The following HNRNPDL variants were observed in gnomAD, a reference collection of about 807,000 sequenced individuals.
The protein encoded by HNRNPDL is heterogeneous nuclear ribonucleoprotein D-like.
In HNRNPDL, 18 loss-of-function variants were observed where a neutral mutation model predicts 48.0. The observed-to-expected ratio is 0.38, with a 90% CI of 0.26 to 0.56. The LOEUF (loss-of-function observed/expected upper bound fraction) is 0.56. HNRNPDL is among the 20% of genes least tolerant of loss of function. The pLI, the probability that HNRNPDL is intolerant of heterozygous loss-of-function variation, is 0.77. For missense variants in HNRNPDL, 553 were observed against 540.7 expected (o/e 1.02, Z -0.23); for synonymous variants, 306 against 207.3 (o/e 1.48, Z -4.09).
In HNRNPDL at chr4:82,427,995, CAT is replaced by C. The variant is rs774166546; in HGVS notation, c.774+21_774+22del. The C allele has an allele frequency of 3.7e-6, 6 of 1,602,298 alleles. No individual in the cohort carries two copies. The Admixed American group carries it at 5.1e-5, about 14-fold the overall frequency. On this transcript the variant is annotated intron_variant, in intron 3 of 7. Transcript: ENST00000295470. ...CATTTTATAAACACATCAAGCTTAACATGTGTAAACATAATCACACACCTCTC... is the reference window on the plus strand; with the variant it reads ...CATTTTATAAACACATCAAGCTTAACGTGTAAACATAATCACACACCTCTC...
At position 82,427,230 on chromosome 4, in the gene HNRNPDL, A is replaced by G. The variant is rs1191370780; in HGVS notation, c.981T>C (p.Ala327=). The G allele has an allele frequency of 1.2e-5, 19 of 1,614,020 alleles. No individual in the cohort carries two copies. The highest frequency in any genetic ancestry group is 1.6e-5 in the Non-Finnish European group (19 of 1,179,894). The change falls in exon 5 of 8, where the codon GCT becomes GCC. Residue 327 remains alanine, a synonymous_variant. Transcript: ENST00000295470. ...QQQQQKGGRG[A]AAGGRGGTRG... is the part of the protein sequence containing the mutation. ...TCGTACCACCTCGTCCACCAGCTGC[A>G]GCACCTCTTCCACCTTTTTGTTGTT...
At position 82,429,745 on chromosome 4, in the gene HNRNPDL, G is replaced by A. The variant is rs1477694826; in HGVS notation, c.-55C>T. On this transcript the variant is annotated 5_prime_UTR_variant, in exon 1 of 8. Coordinates refer to ENST00000295470, the MANE Select transcript of HNRNPDL (RefSeq NM_031372.4). ...CGCGTGAGGGGACGCGGGCTTGGGA[G>A]AAGAGAAGAATCAGAAGAGAAAAAC... is the stretch of plus-strand genomic sequence containing the variant. 3.2e-6 allele frequency: 4 copies of A among 1,268,498 alleles called. No homozygotes were observed. The highest frequency in any genetic ancestry group is 2.2e-5 in the South Asian group (1 of 44,830). 78.6% of individuals were successfully genotyped at this position (1,268,498 alleles called of 1,614,324 possible). A position where few individuals can be genotyped will look rare whatever the true frequency, so the allele number is the denominator to read the frequency against.
At chr4:82,425,413 A>G (rs1721375820) in intron 7 of HNRNPDL, 2 of 152,504 alleles carry the variant, frequency 1.3e-5, no homozygotes. Flanking sequence ...ATTAAGCTGT[A>G]AAAAGGCATT....
Position 82,423,366 on chromosome 4 carries a change from A to C in HNRNPDL, c.*1540T>G, listed in dbSNP as rs566242493. The stretch of plus-strand genomic sequence containing the variant: ...AAAAATGAACTTACTTCCATTCCCT[A>C]AAGTTGCATGTTGAATGAACAGAAT... On this transcript the variant is annotated 3_prime_UTR_variant, in exon 8 of 8. Transcript: ENST00000295470. 1.3e-5 allele frequency: 2 copies of C among 152,198 alleles called. No individual in the cohort carries two copies. The highest frequency in any genetic ancestry group is 2.9e-5 in the Non-Finnish European group (2 of 68,040). 9.4% of individuals were successfully genotyped at this position (152,198 alleles called of 1,614,324 possible).
At chr4:82,426,768 A>G (rs1721429220) in intron 5 of HNRNPDL, 135 bp from the exon 6 acceptor site, 1 of 723,192 alleles carries the variant, frequency 1.4e-6, no homozygotes. Flanking sequence ...TGCTTGAAAA[A>G]CTATTTTTCC....
In HNRNPDL at chr4:82,429,330, C is replaced by T. The variant is rs1329101619; in HGVS notation, c.361G>A (p.Glu121Lys). The T allele has an allele frequency of 6.2e-7, 1 of 1,613,940 alleles. No homozygotes were observed. The highest frequency in any genetic ancestry group is 8.5e-7 in the Non-Finnish European group (1 of 1,179,928). ...ATATTGCTGTACTCGTTCATATCCT[C>T]CATAGTGACGGAGCTGTCGGCAGGG... Reference protein sequence around the residue: ...HPPADSSVTMEDMNEYSNIEE... With the variant: ...HPPADSSVTMKDMNEYSNIEE... Residue 121 changes from glutamate (E) to lysine (K), a missense_variant, in exon 1 of 8, where the codon GAG becomes AAG. Physicochemically the swap from Glu to Lys is moderately conservative, Grantham distance 56 (BLOSUM62 1). Transcript: ENST00000295470.
At position 82,426,481 on chromosome 4, in the gene HNRNPDL, C is replaced by A. The variant is rs766427755; in HGVS notation, c.1174G>T (p.Gly392Ter). The change falls in exon 6 of 8, where the codon GGA (glycine) becomes TGA (stop). Residue 392 changes from glycine (G) to a stop codon, truncating the protein, a stop_gained. Coordinates refer to ENST00000295470, the MANE Select transcript of HNRNPDL (RefSeq NM_031372.4). LOFTEE classifies it high-confidence loss of function. Reference protein sequence around the residue: ...YNYGNYGYGQGYADYSGQQST... With the variant: ...YNYGNYGYGQ ...TTCTTACCACTGTAGTCTGCATATCCCTGTCCATATCCATAGTTCCCATAG... is the reference window on the plus strand; with the variant it reads ...TTCTTACCACTGTAGTCTGCATATCACTGTCCATATCCATAGTTCCCATAG... The A allele has an allele frequency of 6.2e-7, 1 of 1,611,968 alleles. No homozygotes were observed. Among genetic ancestry groups the A allele is most frequent in the Non-Finnish European group, 8.5e-7 (1 of 1,178,404 alleles).
chr4:82,428,965 G>A (rs774480662), intron 1 of HNRNPDL, among the ~76,000 whole-genome samples: 1 of 152,204 alleles, frequency 6.6e-6, no homozygotes, highest in Non-Finnish European at 1.5e-5. Flanking sequence ...AGCGCTGGGA[G>A]GCCGGCCCCT....
intron 1 of HNRNPDL, among the ~76,000 whole-genome samples, 155 bp downstream of exon 1, chr4:82,429,093 C>A (rs1319496568): frequency 6.6e-6 from 1 of 152,142 alleles, no homozygotes; most frequent in Non-Finnish European, 1.5e-5. Flanking sequence ...CCCCCTCGAT[C>A]TCTTACTTTC....
chr4:82,429,330 C>G lies in HNRNPDL; in HGVS notation c.361G>C (p.Glu121Gln). The change falls in exon 1 of 8, where the codon GAG becomes CAG. Residue 121 changes from glutamate (E) to glutamine (Q), a missense_variant. Physicochemically the swap from Glu to Gln is conservative, Grantham distance 29. Around this residue, in one of 4 missense-constraint regions of HNRNPDL, gnomAD observed 327 missense variants for 203.2 expected, o/e 1.61. Coordinates refer to ENST00000295470, the MANE Select transcript of HNRNPDL (RefSeq NM_031372.4). ...ATATTGCTGTACTCGTTCATATCCTCCATAGTGACGGAGCTGTCGGCAGGG... is the reference window on the plus strand; with the variant it reads ...ATATTGCTGTACTCGTTCATATCCTGCATAGTGACGGAGCTGTCGGCAGGG... ...HPPADSSVTMEDMNEYSNIEE... is the reference protein window; with the variant it reads ...HPPADSSVTMQDMNEYSNIEE... 4 of 1,613,940 alleles carry G rather than the reference C, an allele frequency of 2.5e-6. No individual in the cohort carries two copies. Among genetic ancestry groups the G allele is most frequent in the Non-Finnish European group, 3.4e-6 (4 of 1,179,928 alleles).
In HNRNPDL at chr4:82,427,251, TTGTTGC is replaced by T. The variant is rs763843229; in HGVS notation, c.954_959del (p.Gln320_Gln321del). The T allele has an allele frequency of 5.0e-6, 8 of 1,613,998 alleles. No homozygotes were observed. Among genetic ancestry groups the T allele is most frequent in the Admixed American group, 3.3e-5 (2 of 59,978 alleles). On this transcript the variant is annotated inframe_deletion, in exon 5 of 8. Transcript: ENST00000295470. Reference sequence around the variant, plus strand: ...CTGCAGCACCTCTTCCACCTTTTTGTTGTTGCTGTTGCTGCCTATATACCTCTTTGG... The same window carrying T: ...CTGCAGCACCTCTTCCACCTTTTTGTTGTTGCTGCCTATATACCTCTTTGG...
At chr4:82,425,125 G>A (rs1248540284) in intron 7 of HNRNPDL, 1 of 152,030 alleles carries the variant, frequency 6.6e-6, no homozygotes, top group Non-Finnish European at 1.5e-5. Flanking sequence ...ATATTCAGAG[G>A]TTCAACTATG....
rs768281792 is a variant in HNRNPDL at position 82,427,181 on chromosome 4, A to G, written c.1021+9T>C. The G allele has an allele frequency of 9.7e-6, 15 of 1,549,594 alleles. No individual in the cohort carries two copies. In the African/African-American group the frequency reaches 1.9e-4, roughly 20 times the overall value. On this transcript the variant is annotated intron_variant, in intron 5 of 7. Coordinates refer to ENST00000295470, the MANE Select transcript of HNRNPDL (RefSeq NM_031372.4). ...ACCACGGAGTCATATTTCAAGAATT[A>G]AGTCTCACCTCGGCCACGACCCCTC...
At position 82,428,249 on chromosome 4, in the gene HNRNPDL, A is replaced by G. The variant is rs369033036; in HGVS notation, c.612+29T>C. The G allele has an allele frequency of 2.5e-6, 4 of 1,608,862 alleles. No individual in the cohort carries two copies. In the African/African-American group the frequency reaches 4.0e-5, roughly 16 times the overall value. ...AGAAAAATTTGCAAAACACCACAAA[A>G]GCAGCACAATGCAAAACATAGTTCC... On this transcript the variant is annotated intron_variant, in intron 2 of 7. Coordinates refer to ENST00000295470, the MANE Select transcript of HNRNPDL (RefSeq NM_031372.4).
chr4:82,425,997 A>C (rs1356238339), intron 7 of HNRNPDL, 40 bp downstream of exon 7: 1 of 1,246,446 alleles, frequency 8.0e-7, no homozygotes, highest in Non-Finnish European at 1.2e-6. Context: ...TTTAAATTAA[A>C]TTAGACATTT....
rs1721648421 is a variant in HNRNPDL at position 82,429,936 on chromosome 4, G to T, written c.-246C>A. 5 of 350,176 alleles carry T rather than the reference G, an allele frequency of 1.4e-5. No individual in the cohort carries two copies. Among genetic ancestry groups the T allele is most frequent in the Admixed American group, 9.5e-5 (2 of 21,078 alleles). The allele number at this position is 350,176 out of a possible 1,614,324, so 21.7% of individuals were successfully genotyped here. A position where few individuals can be genotyped will look rare whatever the true frequency, so the allele number is the denominator to read the frequency against. On this transcript the variant is annotated 5_prime_UTR_variant, in exon 1 of 8. Transcript: ENST00000295470. Reference sequence around the variant, plus strand: ...GCCCTCGGTTCGCCAGTGCGGAGCCGCTGCGGCGGCCGCTGCTACCGACTA... The same window carrying T: ...GCCCTCGGTTCGCCAGTGCGGAGCCTCTGCGGCGGCCGCTGCTACCGACTA...
intron 5 of HNRNPDL, among the ~76,000 whole-genome samples, 166 bp downstream of exon 5, chr4:82,427,024 G>A (rs973901578): frequency 2.6e-5 from 4 of 152,080 alleles, no homozygotes; most frequent in African/African-American, 7.2e-5. Context: ...AAACCAGTGA[G>A]CTCACAACAA....
intron 7 of HNRNPDL, 44 bp downstream of exon 7, chr4:82,425,993 T>C (rs1350756063): frequency 1.6e-6 from 2 of 1,223,688 alleles, no homozygotes; most frequent in Non-Finnish European, 2.4e-6. Flanking sequence ...GATCTTTAAA[T>C]TAAATTAGAC....
At chr4:82,428,483 A>C in intron 1 of HNRNPDL, 37 bp from the exon 2 acceptor site, 2 of 1,479,568 alleles carry the variant, frequency 1.4e-6, no homozygotes, top group South Asian at 2.4e-5. Context: ...AATTAACAAT[A>C]ACTCAAATGA....
Sources: allele counts gnomAD v4.1 joint callset (sites outside exome capture counted in the v4.1 genomes callset), GRCh38; gene constraint gnomAD v4.1.1; regional missense constraint gnomAD v4.1.1; transcripts MANE v1.5; gene names NCBI Gene and HGNC (gene_info 2026-07-23, HGNC 2026-07-21).